Variants in FOXP1 observed in about 807,000 individuals in gnomAD.
FOXP1 encodes forkhead box protein P1.
Under a neutral mutation model 98.2 loss-of-function variants are expected in FOXP1, and 15 were observed. The ratio of observed to expected loss-of-function variants is 0.15; its 90% CI spans 0.10 to 0.24. The LOEUF is 0.24. Among genes scored for constraint, FOXP1 ranks in the 10% least tolerant of loss-of-function variants. The pLI is 1.00. For synonymous variants in FOXP1, 371 were observed against 314.5 expected, an observed-to-expected ratio of 1.18 and a Z score of -1.90; for missense variants, 633 against 848.5, an observed-to-expected ratio of 0.75 and a Z score of 3.15.
At chr3:71,282,039 G>A (rs1175753562) in intron 5 of FOXP1, among the ~76,000 whole-genome samples, 1 of 152,038 alleles carries the variant, frequency 6.6e-6, no homozygotes, top group African/African-American at 2.4e-5. Flanking sequence ...AACCCAGGAG[G>A]CGGAGGGTGC....
At chr3:71,326,994 G>A (rs562283314) in intron 4 of FOXP1, among the ~76,000 whole-genome samples, 1 of 152,258 alleles carries the variant, frequency 6.6e-6, no homozygotes, top group East Asian at 1.9e-4. Context: ...CTAAGGCCCA[G>A]CAAGGTAACT....
chr3:71,447,650 A>C (rs1419621835), intron 3 of FOXP1, among the ~76,000 whole-genome samples: 1 of 152,206 alleles, frequency 6.6e-6, no homozygotes, highest in African/African-American at 2.4e-5. Context: ...TCTTTAAAGG[A>C]AGCTCATCCA....
At chr3:71,088,733 ACT>A (rs1248721770) in intron 7 of FOXP1, among the ~76,000 whole-genome samples, 3 of 152,070 alleles carry the variant, frequency 2.0e-5, no homozygotes, top group African/African-American at 7.2e-5. Context: ...CCTTAAAATC[ACT>A]CTGAGATTAT....
At chr3:70,999,852 T>C (rs1450814068) in intron 13 of FOXP1, among the ~76,000 whole-genome samples, 1 of 152,232 alleles carries the variant, frequency 6.6e-6, no homozygotes, top group African/African-American at 2.4e-5. Flanking sequence ...TCAGCATCGC[T>C]GTCTTGCATA....
chr3:71,554,857 T>G (rs2046014843), intron 2 of FOXP1, among the ~76,000 whole-genome samples: 1 of 152,236 alleles, frequency 6.6e-6, no homozygotes, highest in Non-Finnish European at 1.5e-5. Context: ...ATGCAGTACC[T>G]TCTTTAGCAA....
intron 5 of FOXP1, among the ~76,000 whole-genome samples, chr3:71,221,220 G>A (rs2065355085): frequency 6.6e-6 from 1 of 152,088 alleles, no homozygotes; most frequent in African/African-American, 2.4e-5. Flanking sequence ...TGCATGAGAG[G>A]GATCTAGGTT....
intron 2 of FOXP1, among the ~76,000 whole-genome samples, chr3:71,519,535 C>A (rs1308384607): frequency 6.6e-6 from 1 of 152,150 alleles, no homozygotes; most frequent in Non-Finnish European, 1.5e-5. Context: ...TTTTCTAAGG[C>A]CCCATCTCTA....
At chr3:71,041,703 T>C (rs2048363558) in intron 10 of FOXP1, among the ~76,000 whole-genome samples, 171 bp from the exon 11 acceptor site, 1 of 152,110 alleles carries the variant, frequency 6.6e-6, no homozygotes, top group African/African-American at 2.4e-5. Context: ...AAAAAGTGTG[T>C]CCTCTTACCG....
At chr3:71,526,742 C>T (rs988066965) in intron 2 of FOXP1, among the ~76,000 whole-genome samples, 1 of 152,062 alleles carries the variant, frequency 6.6e-6, no homozygotes, top group Non-Finnish European at 1.5e-5. Context: ...CCGAGGTGGG[C>T]GGATCACCCA....
intron 3 of FOXP1, among the ~76,000 whole-genome samples, chr3:71,441,765 C>T (rs963379020): frequency 2.0e-5 from 3 of 152,166 alleles, no homozygotes; most frequent in South Asian, 2.1e-4. Flanking sequence ...CAACAAGACA[C>T]GCTATAGAGA....
chr3:71,452,447 A>G (rs1317296992), intron 3 of FOXP1, among the ~76,000 whole-genome samples: 4 of 152,222 alleles, frequency 2.6e-5, no homozygotes, highest in Non-Finnish European at 1.5e-5. Flanking sequence ...CAACTCAAAG[A>G]GCCAGCAAGG....
intron 3 of FOXP1, among the ~76,000 whole-genome samples, chr3:71,390,830 C>T (rs1341918498): frequency 1.2e-4 from 19 of 152,218 alleles, no homozygotes; most frequent in African/African-American, 9.6e-5. Context: ...TGTGCAGTGC[C>T]GTGTAGTCAG....
intron 3 of FOXP1, among the ~76,000 whole-genome samples, chr3:71,464,377 G>A (rs968913517): frequency 4.6e-5 from 7 of 152,282 alleles, no homozygotes; most frequent in African/African-American, 9.6e-5. Flanking sequence ...CGGGGCTCTC[G>A]GCTCACTGCC....
intron 2 of FOXP1, among the ~76,000 whole-genome samples, chr3:71,564,684 G>A (rs1281329108): frequency 9.2e-5 from 14 of 152,254 alleles, no homozygotes; most frequent in Admixed American, 9.2e-4. Context: ...TATCCCTGGA[G>A]TTAAATGTCA....
chr3:71,583,317 C>T (rs2048338291), intron 1 of FOXP1, among the ~76,000 whole-genome samples: 1 of 151,878 alleles, frequency 6.6e-6, no homozygotes, highest in African/African-American at 2.4e-5. Flanking sequence ...ACCCGCGCGC[C>T]GGCCCGCAGC....
At chr3:71,190,771 T>C (rs1217508065) in intron 6 of FOXP1, among the ~76,000 whole-genome samples, 4 of 152,028 alleles carry the variant, frequency 2.6e-5, no homozygotes, top group Non-Finnish European at 4.4e-5. Flanking sequence ...AAGGTCAGTA[T>C]GGGAAACTCT....
intron 5 of FOXP1, among the ~76,000 whole-genome samples, chr3:71,272,068 G>A (rs1360919056): frequency 6.6e-6 from 1 of 152,146 alleles, no homozygotes; most frequent in Non-Finnish European, 1.5e-5. Context: ...AATCAAAAGA[G>A]TCTTAATAGA....
At chr3:71,053,361 G>C (rs2050170658) in intron 8 of FOXP1, among the ~76,000 whole-genome samples, 1 of 152,166 alleles carries the variant, frequency 6.6e-6, no homozygotes, top group South Asian at 2.1e-4. Context: ...AAACCTAAAA[G>C]ATCTTACTGC....
intron 6 of FOXP1, among the ~76,000 whole-genome samples, chr3:71,177,840 C>CTTT (rs397704711): frequency 0.37 from 42,099 of 114,406 alleles, 7,840 homozygotes; most frequent in Middle Eastern, 0.42. Context: ...TTCTTTCTTT[C>CTTT]TTTTTTTTTT....
Sources: allele counts gnomAD v4.1 joint callset (sites outside exome capture counted in the v4.1 genomes callset), GRCh38; gene constraint gnomAD v4.1.1; transcripts MANE v1.5; gene names NCBI Gene and HGNC (gene_info 2026-07-23, HGNC 2026-07-21).